PAGR1: variants seen among roughly 807,000 people sequenced by gnomAD.
PAGR1 encodes the protein PAXIP1-associated glutamate-rich protein 1.
PAGR1 carries 20 observed loss-of-function variants against 22.4 expected under a neutral mutation model. The ratio of observed to expected loss-of-function variants is 0.89; its 90% CI spans 0.63 to 1.30. The LOEUF (loss-of-function observed/expected upper bound fraction) is 1.30. Ranked by LOEUF, PAGR1 falls within the 50% of genes most tolerant of loss-of-function variation. The pLI is 0.00. For missense variants in PAGR1, 338 were observed against 343.6 expected (o/e 0.98, Z 0.13); for synonymous variants, 161 against 148.3 (o/e 1.09, Z -0.62).
Position 29,819,832 on chromosome 16 carries a change from G to A in PAGR1, c.*78G>A, listed in dbSNP as rs915434441. The A allele has an allele frequency of 1.4e-6, 2 of 1,451,366 alleles. No individual in the cohort carries two copies. The highest frequency in any genetic ancestry group is 1.8e-6 in the Non-Finnish European group (2 of 1,083,648). The allele number at this position is 1,451,366 out of a possible 1,614,324, so 89.9% of individuals were successfully genotyped here. ...GCCCTCCTTCCCCAGCCCAGACATT[G>A]AGAAACTTGGGAAGAAGAGAGAAAC... On this transcript the variant is annotated 3_prime_UTR_variant, in exon 3 of 3. Coordinates refer to ENST00000320330, the MANE Select transcript of PAGR1 (RefSeq NM_024516.4).
At chr16:29,817,339 C>G in intron 2 of PAGR1, 47 bp downstream of exon 2, 2 of 1,590,522 alleles carry the variant, frequency 1.3e-6, no homozygotes, top group South Asian at 2.2e-5. Context: ...GGCCTCGGCT[C>G]AGTTACCCAA....
rs559920424 is a variant in PAGR1, at chr16:29,819,984, T to A, written c.*230T>A. 81 of 521,172 alleles carry A rather than the reference T, an allele frequency of 1.6e-4. No individual in the cohort carries two copies. The highest frequency in any genetic ancestry group is 1.5e-3 in the Middle Eastern group (3 of 1,998). 32.3% of individuals were successfully genotyped at this position (521,172 alleles called of 1,614,324 possible). ...TTCTATTGAACACCTATAGAGAGAG[T>A]GTGTGTGTTTTCTATTGAACATCTA... On this transcript the variant is annotated 3_prime_UTR_variant, in exon 3 of 3. Coordinates refer to ENST00000320330, the MANE Select transcript of PAGR1 (RefSeq NM_024516.4).
intron 2 of PAGR1, 49 bp downstream of exon 2, chr16:29,817,341 G>A: frequency 1.3e-6 from 2 of 1,587,606 alleles, no homozygotes; most frequent in Non-Finnish European, 1.7e-6. Context: ...CCTCGGCTCA[G>A]TTACCCAAGA....
In PAGR1 at chr16:29,819,615, A is replaced by G. The variant is rs375241375; in HGVS notation, c.626A>G (p.Lys209Arg). The G allele has an allele frequency of 6.8e-6, 11 of 1,614,032 alleles. No individual in the cohort carries two copies. In the African/African-American group the frequency reaches 1.2e-4, roughly 18 times the overall value. ...ARLDKVLSDM[K>R]RHKKLEEQIL... ...CTGGACAAGGTGCTGTCGGACATGA[A>G]GAGACACAAGAAGCTGGAGGAGCAG... The change falls in exon 3 of 3, where the codon AAG (lysine) becomes AGG (arginine). Residue 209 changes from lysine (K) to arginine (R), a missense_variant. By Grantham distance (26) the Lys-to-Arg change is conservative. This residue lies in a region of PAGR1 where 51 missense variants were observed against 83.1 expected (regional missense o/e 0.61). Coordinates refer to ENST00000320330, the MANE Select transcript of PAGR1 (RefSeq NM_024516.4).
intron 2 of PAGR1, among the ~76,000 whole-genome samples, 176 bp downstream of exon 2, chr16:29,817,468 C>CTTTTT (rs753890811): frequency 5.7e-5 from 7 of 122,590 alleles, no homozygotes; most frequent in Non-Finnish European, 8.2e-5. Flanking sequence ...CCTTGTCTTC[C>CTTTTT]TTTTTTTTTT....
Position 29,822,372 on chromosome 16 carries a change from TCTC to T in PAGR1, c.*2621_*2623del, listed in dbSNP as rs1436430683. On this transcript the variant is annotated 3_prime_UTR_variant, in exon 3 of 3. Transcript: ENST00000320330. ...ACACATTCTCAATTTCCATTAATCA[TCTC>T]CTAAAGGGGGTAAACCAGGAAGCCG... 2.6e-5 allele frequency among the ~76,000 whole-genome samples: 4 copies of T among 151,988 alleles called. No homozygotes were observed. In the East Asian group the frequency reaches 7.7e-4, roughly 29 times the overall value.
Position 29,816,209 on chromosome 16 carries a change from C to T in PAGR1, c.-317C>T, listed in dbSNP as rs1900241221. On this transcript the variant is annotated 5_prime_UTR_variant, in exon 1 of 3. Coordinates refer to ENST00000320330, the MANE Select transcript of PAGR1 (RefSeq NM_024516.4). ...ACAACTGAAAGGTCTGGGGAGAAGG[C>T]GCCGTGTCCGGGTGTGGAGAGGGGC... The T allele has an allele frequency of 2.6e-6, 1 of 390,796 alleles. No individual in the cohort carries two copies. The highest frequency in any genetic ancestry group is 4.5e-6 in the Non-Finnish European group (1 of 220,388). The allele number at this position is 390,796 out of a possible 1,614,324, so 24.2% of individuals were successfully genotyped here. A position where few individuals can be genotyped will look rare whatever the true frequency, so the allele number is the denominator to read the frequency against.
intron 2 of PAGR1, chr16:29,818,538 G>C (rs936544654): frequency 6.6e-6 from 1 of 152,176 alleles, no homozygotes; most frequent in Non-Finnish European, 1.5e-5. Context: ...CTGCAATTCA[G>C]ATGAACCTTT....
At position 29,816,477 on chromosome 16, in the gene PAGR1, G is replaced by A; in HGVS notation, c.-49G>A. On this transcript the variant is annotated 5_prime_UTR_variant, in exon 1 of 3. Transcript: ENST00000320330. ...GGAGCCCGATCCCTGGGGGACCCTG[G>A]CTTCGGACTCCAGTATCTGTCGTCG... The A allele has an allele frequency of 7.0e-7, 1 of 1,421,288 alleles. No homozygotes were observed. The highest frequency in any genetic ancestry group is 9.2e-7 in the Non-Finnish European group (1 of 1,084,370). The allele number at this position is 1,421,288 out of a possible 1,614,324, so 88.0% of individuals were successfully genotyped here.
intron 2 of PAGR1, among the ~76,000 whole-genome samples, 171 bp downstream of exon 2, chr16:29,817,463 TCTTC>T (rs1312888206): frequency 6.7e-6 from 1 of 149,318 alleles, no homozygotes; most frequent in Non-Finnish European, 1.5e-5. Context: ...TACTACCTTG[TCTTC>T]CTTTTTTTTT....
At chr16:29,817,063 A>T in intron 1 of PAGR1, 56 bp downstream of exon 1, 1 of 1,554,738 alleles carries the variant, frequency 6.4e-7, no homozygotes, top group Non-Finnish European at 8.7e-7. Context: ...GGCGGGAGGA[A>T]ATAGGGAGGG....
chr16:29,816,309 C>G lies in PAGR1; in HGVS notation c.-217C>G, dbSNP rs565735625. On this transcript the variant is annotated 5_prime_UTR_variant, in exon 1 of 3. Coordinates refer to ENST00000320330, the MANE Select transcript of PAGR1 (RefSeq NM_024516.4). The stretch of plus-strand genomic sequence containing the variant: ...TTTCGGAAAGTGGTTTCTGCGGGGC[C>G]CGGGAGCCTCGGAGTACCGAACCTC... 7.0e-6 allele frequency: 3 copies of G among 425,952 alleles called. No homozygotes were observed. Among genetic ancestry groups the G allele is most frequent in the Non-Finnish European group, 1.2e-5 (3 of 245,284 alleles). The allele number at this position is 425,952 out of a possible 1,614,324, so 26.4% of individuals were successfully genotyped here. A position where few individuals can be genotyped will look rare whatever the true frequency, so the allele number is the denominator to read the frequency against.
At position 29,820,788 on chromosome 16, in the gene PAGR1, T is replaced by C. The variant is rs1220136839; in HGVS notation, c.*1034T>C. Reference sequence around the variant, plus strand: ...TGCAACTCTCAGGCCTCTCTCTGACTTCAGGGTCCCACCTGGGAAATCAGG... The same window carrying C: ...TGCAACTCTCAGGCCTCTCTCTGACCTCAGGGTCCCACCTGGGAAATCAGG... On this transcript the variant is annotated 3_prime_UTR_variant, in exon 3 of 3. Transcript: ENST00000320330. 2.0e-5 allele frequency: 3 copies of C among 152,330 alleles called. No homozygotes were observed. The highest frequency in any genetic ancestry group is 2.9e-5 in the Non-Finnish European group (2 of 68,222). 9.4% of individuals were successfully genotyped at this position (152,330 alleles called of 1,614,324 possible). A position where few individuals can be genotyped will look rare whatever the true frequency, so the allele number is the denominator to read the frequency against.
chr16:29,819,668 A>C lies in PAGR1; in HGVS notation c.679A>C (p.Ser227Arg), dbSNP rs776688922. ...CCTTCGTACCGGGAGGGACCTCTTCAGCCTGGACTCGGAGGACCCCAGCCC... is the reference window on the plus strand; with the variant it reads ...CCTTCGTACCGGGAGGGACCTCTTCCGCCTGGACTCGGAGGACCCCAGCCC... ...QILRTGRDLF[S>R]LDSEDPSPAS... Residue 227 changes from serine (S) to arginine (R), a missense_variant, in exon 3 of 3, where the codon AGC becomes CGC. Around this residue, in one of 3 missense-constraint regions of PAGR1, gnomAD observed 52 missense variants for 44.5 expected, o/e 1.17. Coordinates refer to ENST00000320330, the MANE Select transcript of PAGR1 (RefSeq NM_024516.4). 1 of 1,613,990 alleles carries C rather than the reference A, an allele frequency of 6.2e-7. No individual in the cohort carries two copies. The highest frequency in any genetic ancestry group is 1.3e-5 in the African/African-American group (1 of 75,026).
intron 2 of PAGR1, among the ~76,000 whole-genome samples, chr16:29,818,951 G>A (rs1342677680): frequency 2.0e-5 from 3 of 152,170 alleles, no homozygotes; most frequent in Non-Finnish European, 4.4e-5. Context: ...GAATCCAAGC[G>A]CTTTTCCCGC....
chr16:29,816,382 G>A lies in PAGR1; in HGVS notation c.-144G>A. On this transcript the variant is annotated 5_prime_UTR_variant, in exon 1 of 3. Coordinates refer to ENST00000320330, the MANE Select transcript of PAGR1 (RefSeq NM_024516.4). Reference sequence around the variant, plus strand: ...GTGGGGACTGAGCGCCCCCTCCCGGGGACGGGCGGTCTGGCCGCGGAGTCC... The same window carrying A: ...GTGGGGACTGAGCGCCCCCTCCCGGAGACGGGCGGTCTGGCCGCGGAGTCC... 1 of 844,188 alleles carries A rather than the reference G, an allele frequency of 1.2e-6. No homozygotes were observed. The highest frequency in any genetic ancestry group is 1.6e-6 in the Non-Finnish European group (1 of 612,114). 52.3% of individuals were successfully genotyped at this position (844,188 alleles called of 1,614,324 possible). A position where few individuals can be genotyped will look rare whatever the true frequency, so the allele number is the denominator to read the frequency against.
Position 29,819,846 on chromosome 16 carries a change from G to A in PAGR1, c.*92G>A. On this transcript the variant is annotated 3_prime_UTR_variant, in exon 3 of 3. Coordinates refer to ENST00000320330, the MANE Select transcript of PAGR1 (RefSeq NM_024516.4). ...GCCCAGACATTGAGAAACTTGGGAA[G>A]AAGAGAGAAACCTCAAGCTCCCAAA... 7.2e-7 allele frequency: 1 copy of A among 1,382,550 alleles called. No homozygotes were observed. The allele number at this position is 1,382,550 out of a possible 1,614,324, so 85.6% of individuals were successfully genotyped here.
intron 2 of PAGR1, among the ~76,000 whole-genome samples, chr16:29,819,030 G>T (rs1364419327): frequency 6.6e-6 from 1 of 150,998 alleles, no homozygotes; most frequent in East Asian, 2.0e-4. Flanking sequence ...GAGTGTAGCT[G>T]TGTCACCGAG....
chr16:29,817,024 A>T lies in PAGR1; in HGVS notation c.482+17A>T, dbSNP rs1438829340. On this transcript the variant is annotated intron_variant, in intron 1 of 2. Transcript: ENST00000320330. ...AGAGGAAAAGTAAAGGCACACCCTT[A>T]CACCTTGTCCCGGGGCTGCTCCCCT... 1.3e-6 allele frequency: 2 copies of T among 1,557,678 alleles called. No individual in the cohort carries two copies. The highest frequency in any genetic ancestry group is 2.7e-5 in the African/African-American group (2 of 73,908).
Sources: gnomAD v4.1 joint callset for allele counts (sites outside exome capture counted in the v4.1 genomes callset) on GRCh38, gnomAD v4.1.1 for gene constraint, gnomAD v4.1.1 regional missense constraint, MANE v1.5 for transcripts, NCBI Gene and HGNC (gene_info 2026-07-23, HGNC 2026-07-21) for gene names.